Variants in TTC4 observed in about 807,000 individuals in gnomAD.
TTC4 encodes the protein tetratricopeptide repeat domain 4, also known as hsp70/Hsp90 co-chaperone CNS1 homolog.
TTC4 carries 36 observed loss-of-function variants against 51.9 expected under a neutral mutation model. That is an observed-to-expected ratio of 0.69 (90% CI 0.53 to 0.92). The LOEUF (loss-of-function observed/expected upper bound fraction) is 0.92, where lower values mean the gene tolerates loss of function less well. TTC4 is among the 40% of genes least tolerant of loss of function. The pLI, the probability that TTC4 is intolerant of heterozygous loss-of-function variation, is 0.00. For missense variants in TTC4, 399 were observed against 454.6 expected (o/e 0.88, Z 1.11); for synonymous variants, 144 against 164.2 (o/e 0.88, Z 0.94).
Position 54,717,382 on chromosome 1 carries a change from T to A in TTC4, c.230-110T>A, listed in dbSNP as rs1197957586. ...ACATCGAGTTTCCTTTCCCTATTGG[T>A]TTCTTCGCTTTGGTGTGTCATATAG... On this transcript the variant is annotated intron_variant, in intron 2 of 9. Transcript: ENST00000371281. 5.0e-6 allele frequency: 5 copies of A among 1,001,564 alleles called. No individual in the cohort carries two copies. In the Admixed American group the frequency reaches 2.1e-4, roughly 41 times the overall value. The allele number at this position is 1,001,564 out of a possible 1,614,324, so 62.0% of individuals were successfully genotyped here.
rs745417607 is a variant in TTC4, at chr1:54,741,450, T to C, written c.1101T>C (p.Cys367=). 7 of 1,614,102 alleles carry C rather than the reference T, an allele frequency of 4.3e-6. No homozygotes were observed. The highest frequency in any genetic ancestry group is 2.2e-5 in the East Asian group (1 of 44,896). ...CCCTGACACCAGCATTTTTGGTCTG[T>C]GTAGGATCCTCTCCTTTTTGCAAGA... ...VKALTPAFLV[C]VGSSPFCKNF... is the part of the protein sequence containing the mutation. Residue 367 remains cysteine (C), a synonymous_variant, in exon 10 of 10, where the codon TGT becomes TGC. Transcript: ENST00000371281.
chr1:54,717,196 T>A (rs764395817), intron 2 of TTC4, among the ~76,000 whole-genome samples: 58 of 152,200 alleles, frequency 3.8e-4, no homozygotes, highest in Non-Finnish European at 7.2e-4. Flanking sequence ...ATTTCTTCAG[T>A]GATTAAAAAA....
chr1:54,728,279 A>T (rs1204173163), intron 5 of TTC4, 67 bp from the exon 6 acceptor site: 1 of 1,416,656 alleles, frequency 7.1e-7, no homozygotes, highest in Non-Finnish European at 9.8e-7. Flanking sequence ...ATAATTTAGG[A>T]GCAGGCTAGT....
Position 54,721,180 on chromosome 1 carries a change from C to T in TTC4, c.409C>T (p.Leu137Phe). ...QYYLGNFRSA[L>F]NDVTAARKLK... ...TTTGTTAGGCAATTTTCGTTCTGCT[C>T]TCAATGATGTGACAGCTGCCAGAAA... Residue 137 changes from leucine to phenylalanine, a missense_variant, in exon 4 of 10, where the codon CTC becomes TTC. Leu to Phe is a conservative substitution (Grantham distance 22). Around this residue, in one of 3 missense-constraint regions of TTC4, gnomAD observed 316 missense variants for 349.6 expected, o/e 0.90. Coordinates refer to ENST00000371281, the MANE Select transcript of TTC4 (RefSeq NM_004623.5). The T allele has an allele frequency of 6.2e-7, 1 of 1,613,502 alleles. No individual in the cohort carries two copies. The highest frequency in any genetic ancestry group is 8.5e-7 in the Non-Finnish European group (1 of 1,179,586).
chr1:54,738,384 C>T (rs2101370342), intron 9 of TTC4, among the ~76,000 whole-genome samples: 1 of 152,310 alleles, frequency 6.6e-6, no homozygotes, highest in East Asian at 1.9e-4. Context: ...CCATATCACT[C>T]AGGCACCATC....
intron 8 of TTC4, among the ~76,000 whole-genome samples, chr1:54,736,449 C>G (rs1275323888): frequency 1.3e-5 from 2 of 151,934 alleles, no homozygotes; most frequent in Non-Finnish European, 2.9e-5. Flanking sequence ...GGCTCACTGC[C>G]AAGATCAACC....
chr1:54,717,718 G>A, intron 3 of TTC4, 65 bp downstream of exon 3: 1 of 1,372,940 alleles, frequency 7.3e-7, no homozygotes, highest in South Asian at 2.0e-5. Flanking sequence ...GTTAGTGGAG[G>A]TTTGAGAACA....
Position 54,731,649 on chromosome 1 carries a change from A to G in TTC4, c.845A>G (p.Tyr282Cys). 1 of 1,614,058 alleles carries G rather than the reference A, an allele frequency of 6.2e-7. No individual in the cohort carries two copies. ...CTGAGCTGGCCTGTGCTCTTTCTGTACCCAGAGTATGCCCAGTCGGACTTC... is the reference window on the plus strand; with the variant it reads ...CTGAGCTGGCCTGTGCTCTTTCTGTGCCCAGAGTATGCCCAGTCGGACTTC... ...GRLSWPVLFL[Y>C]PEYAQSDFIS... is the part of the protein sequence containing the mutation. Residue 282 changes from tyrosine (Y) to cysteine (C), a missense_variant, in exon 7 of 10, where the codon TAC (tyrosine) becomes TGC (cysteine). By Grantham distance (194) the Tyr-to-Cys change is radical. This residue lies in a region of TTC4 where 316 missense variants were observed against 349.6 expected (regional missense o/e 0.90). Coordinates refer to ENST00000371281, the MANE Select transcript of TTC4 (RefSeq NM_004623.5).
At chr1:54,729,581 C>A (rs1214633685) in intron 6 of TTC4, among the ~76,000 whole-genome samples, 1 of 152,112 alleles carries the variant, frequency 6.6e-6, no homozygotes, top group Non-Finnish European at 1.5e-5. Context: ...TAACAAAATG[C>A]CACCCTGTCT....
chr1:54,718,458 G>A (rs116822929), intron 3 of TTC4, among the ~76,000 whole-genome samples: 2,687 of 151,574 alleles, frequency 0.018, 88 homozygotes, highest in African/African-American at 0.062. Context: ...CATGTTGCCC[G>A]GGCTGGTCTC....
In TTC4 at chr1:54,715,870, A is replaced by G. The variant is rs1348306911; in HGVS notation, c.-39A>G. ...GCCGCCGGAAGGAGCCGCTCGCTTCACGGCGCTGGGACCCGGGCTGGAAGG... is the reference window on the plus strand; with the variant it reads ...GCCGCCGGAAGGAGCCGCTCGCTTCGCGGCGCTGGGACCCGGGCTGGAAGG... On this transcript the variant is annotated 5_prime_UTR_variant, in exon 1 of 10. Coordinates refer to ENST00000371281, the MANE Select transcript of TTC4 (RefSeq NM_004623.5). 7.2e-6 allele frequency: 11 copies of G among 1,528,656 alleles called. No homozygotes were observed. Among genetic ancestry groups the G allele is most frequent in the African/African-American group, 1.4e-5 (1 of 72,470 alleles). 94.7% of individuals were successfully genotyped at this position (1,528,656 alleles called of 1,614,324 possible).
At chr1:54,716,105 C>A in intron 1 of TTC4, 86 bp downstream of exon 1, 1 of 1,070,864 alleles carries the variant, frequency 9.3e-7, no homozygotes, top group Non-Finnish European at 1.4e-6. Context: ...CTCCTTCAAT[C>A]CCAGATCCCT....
At chr1:54,739,976 A>C (rs1301005240) in intron 9 of TTC4, among the ~76,000 whole-genome samples, 1 of 152,234 alleles carries the variant, frequency 6.6e-6, no homozygotes, top group Non-Finnish European at 1.5e-5. Flanking sequence ...ACCTGAGCTC[A>C]GAAGTTAGAG....
At chr1:54,726,165 A>G (rs1023948929) in intron 5 of TTC4, among the ~76,000 whole-genome samples, 2 of 152,338 alleles carry the variant, frequency 1.3e-5, no homozygotes, top group Admixed American at 6.5e-5. Flanking sequence ...ACCTAAACAC[A>G]TTATAATTAA....
chr1:54,742,382 C>T lies in TTC4; in HGVS notation c.*869C>T, dbSNP rs1328379168. 2 of 152,370 alleles carry T rather than the reference C, an allele frequency of 1.3e-5. No homozygotes were observed. The highest frequency in any genetic ancestry group is 2.9e-5 in the Non-Finnish European group (2 of 68,178). The allele number at this position is 152,370 out of a possible 1,614,324, so 9.4% of individuals were successfully genotyped here. On this transcript the variant is annotated 3_prime_UTR_variant, in exon 10 of 10. Coordinates refer to ENST00000371281, the MANE Select transcript of TTC4 (RefSeq NM_004623.5). ...AGAGTGTACTTCCCTGCTCCCAATGCAGAGGGATATGCACAGGCATGAGCT... is the reference window on the plus strand; with the variant it reads ...AGAGTGTACTTCCCTGCTCCCAATGTAGAGGGATATGCACAGGCATGAGCT...
chr1:54,725,133 T>C (rs964329349), intron 5 of TTC4, among the ~76,000 whole-genome samples: 1 of 152,204 alleles, frequency 6.6e-6, no homozygotes, highest in Non-Finnish European at 1.5e-5. Context: ...CTGTGATGAT[T>C]TGACCATCTG....
intron 7 of TTC4, 88 bp from the exon 8 acceptor site, chr1:54,733,541 A>T (rs1645895536): frequency 4.9e-6 from 5 of 1,013,906 alleles, no homozygotes; most frequent in Middle Eastern, 2.4e-4. Context: ...TATACATTCT[A>T]GATAACTTTG....
chr1:54,717,294 G>A (rs919119647), intron 2 of TTC4, among the ~76,000 whole-genome samples, 198 bp from the exon 3 acceptor site: 4 of 152,098 alleles, frequency 2.6e-5, no homozygotes, highest in Non-Finnish European at 5.9e-5. Context: ...TACCTTGTAA[G>A]ATATTTGGAA....
rs1013500743 is a variant in TTC4, at chr1:54,731,797, T to C, written c.896+97T>C. On this transcript the variant is annotated intron_variant, in intron 7 of 9. Transcript: ENST00000371281. ...TGGATTTTTGGTTGAGAAGGGAAGATAATGGTTTAGAGGGTTTCACACCAT... is the reference window on the plus strand; with the variant it reads ...TGGATTTTTGGTTGAGAAGGGAAGACAATGGTTTAGAGGGTTTCACACCAT... 4 of 1,208,668 alleles carry C rather than the reference T, an allele frequency of 3.3e-6. No individual in the cohort carries two copies. In the Admixed American group the frequency reaches 6.5e-5, roughly 20 times the overall value. The allele number at this position is 1,208,668 out of a possible 1,614,324, so 74.9% of individuals were successfully genotyped here.
Sources: gnomAD v4.1 joint callset for allele counts (sites outside exome capture counted in the v4.1 genomes callset) on GRCh38, gnomAD v4.1.1 for gene constraint, gnomAD v4.1.1 regional missense constraint, MANE v1.5 for transcripts, NCBI Gene and HGNC (gene_info 2026-07-23, HGNC 2026-07-21) for gene names.